Variants in NAALADL2 observed in about 807,000 individuals in gnomAD.
The protein encoded by NAALADL2 is inactive N-acetylated-alpha-linked acidic dipeptidase-like protein 2.
Under a neutral mutation model 87.2 loss-of-function variants are expected in NAALADL2, and 76 were observed. That is an observed-to-expected ratio of 0.87 (90% CI 0.72 to 1.05). The LOEUF (loss-of-function observed/expected upper bound fraction) is 1.05. NAALADL2 is among the 50% of genes least tolerant of loss of function. The pLI, the probability that NAALADL2 is intolerant of heterozygous loss-of-function variation, is 0.00. For missense variants in NAALADL2, 1,089 were observed against 945.8 expected, an observed-to-expected ratio of 1.15 and a Z score of -1.99; for synonymous variants, 354 against 331.0, an observed-to-expected ratio of 1.07 and a Z score of -0.75.
intron 1 of NAALADL2, among the ~76,000 whole-genome samples, chr3:174,530,642 A>G (rs1379651598): frequency 2.0e-5 from 3 of 152,182 alleles, no homozygotes; most frequent in Non-Finnish European, 4.4e-5. Context: ...GGCATGTCTC[A>G]TATGGCAGCA....
At chr3:174,708,483 C>A (rs1349427360) in intron 2 of NAALADL2, among the ~76,000 whole-genome samples, 1 of 152,106 alleles carries the variant, frequency 6.6e-6, no homozygotes, top group Non-Finnish European at 1.5e-5. Flanking sequence ...AAATTTAAAT[C>A]TGTAAAGCTG....
At chr3:175,056,392 C>G (rs553357507) in intron 1 of NAALADL2, among the ~76,000 whole-genome samples, 1 of 152,168 alleles carries the variant, frequency 6.6e-6, no homozygotes, top group African/African-American at 2.4e-5. Flanking sequence ...TCTTACTCAC[C>G]ATGGGAATTG....
At chr3:174,947,137 G>T (rs112338599) in intron 1 of NAALADL2, among the ~76,000 whole-genome samples, 7 of 152,084 alleles carry the variant, frequency 4.6e-5, no homozygotes, top group African/African-American at 1.7e-4. Context: ...TCTCTAGGAG[G>T]GTCAAATGTA....
chr3:174,792,532 ATTC>A (rs1285392619), intron 3 of NAALADL2, among the ~76,000 whole-genome samples: 7 of 152,144 alleles, frequency 4.6e-5, no homozygotes, highest in East Asian at 1.9e-4. Flanking sequence ...TGTGGCATCA[ATTC>A]TTCTTCTATC....
At chr3:175,546,277 G>A (rs1323949927) in intron 9 of NAALADL2, among the ~76,000 whole-genome samples, 1 of 152,050 alleles carries the variant, frequency 6.6e-6, no homozygotes, top group Non-Finnish European at 1.5e-5. Flanking sequence ...TTGAGCATAT[G>A]TATGTCCTTG....
chr3:175,004,716 TATA>T (rs745607379), intron 1 of NAALADL2, among the ~76,000 whole-genome samples: 2 of 152,324 alleles, frequency 1.3e-5, no homozygotes, highest in Non-Finnish European at 2.9e-5. Context: ...TGGTTCAATG[TATA>T]ATAACTTTGT....
At chr3:175,498,195 A>G (rs765312888) in intron 9 of NAALADL2, among the ~76,000 whole-genome samples, 5 of 152,170 alleles carry the variant, frequency 3.3e-5, no homozygotes, top group Non-Finnish European at 7.4e-5. Flanking sequence ...CCTACAAAAT[A>G]TAGAAAATAG....
In NAALADL2 at chr3:175,241,844, C is replaced by T. The variant is rs938852866; in HGVS notation, c.819+7640C>T. 3.9e-3 allele frequency among the ~76,000 whole-genome samples: 476 copies of T among 120,758 alleles called. 3 individuals carry two copies. Among genetic ancestry groups the T allele is most frequent in the African/African-American group, 0.016 (454 of 29,006 alleles). The allele number at this position is 120,758 out of a possible 152,430, so 79.2% of individuals were successfully genotyped here. On this transcript the variant is annotated intron_variant, in intron 3 of 13. Transcript: ENST00000454872. ...TGTGGCATTTTTAGTGAGAAAGTAT[C>T]TGGATGCTGAATTTTTTTTTTTTTT...
chr3:174,879,592 A>C (rs1421424966), intron 1 of NAALADL2, among the ~76,000 whole-genome samples: 1 of 152,124 alleles, frequency 6.6e-6, no homozygotes, highest in Non-Finnish European at 1.5e-5. Flanking sequence ...ATACATAGAA[A>C]AATATATTTT....
At chr3:175,613,345 T>C (rs1480727832) in intron 10 of NAALADL2, among the ~76,000 whole-genome samples, 1 of 152,246 alleles carries the variant, frequency 6.6e-6, no homozygotes, top group Non-Finnish European at 1.5e-5. Context: ...TATTTTCATA[T>C]GTTCTGTCTT....
intron 2 of NAALADL2, among the ~76,000 whole-genome samples, chr3:174,682,420 C>CCAGG (rs1400833513): frequency 6.6e-6 from 1 of 152,126 alleles, no homozygotes; most frequent in East Asian, 1.9e-4. Context: ...TAGGTGATAG[C>CCAGG]CAGGCAGTGG....
At chr3:175,218,079 A>C (rs1331013186) in intron 2 of NAALADL2, 1 of 429,180 alleles carries the variant, frequency 2.3e-6, no homozygotes, top group Non-Finnish European at 4.6e-6. Flanking sequence ...TTTTTAGGAT[A>C]AAATGAAGCA....
intron 9 of NAALADL2, among the ~76,000 whole-genome samples, chr3:175,563,328 C>T (rs16825961): frequency 0.13 from 19,690 of 152,164 alleles, 1,376 homozygotes; most frequent in Middle Eastern, 0.17. Flanking sequence ...TACACACTTA[C>T]TGACTTCCTA....
At chr3:175,442,330 C>T (rs555238358) in intron 5 of NAALADL2, among the ~76,000 whole-genome samples, 120 of 151,994 alleles carry the variant, frequency 7.9e-4, no homozygotes, top group Non-Finnish European at 1.6e-3. Flanking sequence ...ACTAACAGAG[C>T]ATATTTTCTT....
chr3:175,793,634 C>T (rs901598204), intron 13 of NAALADL2, among the ~76,000 whole-genome samples: 1 of 151,932 alleles, frequency 6.6e-6, no homozygotes, highest in Non-Finnish European at 1.5e-5. Context: ...ATTTTCTAAC[C>T]ATCTAATATA....
intron 2 of NAALADL2, among the ~76,000 whole-genome samples, chr3:174,712,136 T>C (rs1730699193): frequency 6.6e-6 from 1 of 152,100 alleles, no homozygotes; most frequent in Admixed American, 6.5e-5. Flanking sequence ...TTCTCACCCT[T>C]GTCCCCAAAC....
In NAALADL2 at chr3:174,885,903, T is replaced by G. The variant is rs1399599245; in HGVS notation, c.43+26453T>G. On this transcript the variant is annotated intron_variant, in intron 1 of 13. Coordinates refer to ENST00000454872, the MANE Select transcript of NAALADL2 (RefSeq NM_207015.3). Reference sequence around the variant, plus strand: ...TTTTTTTTTTTTTTTTTTTTTTTTTTTTTTTTTTTTTTTTTTTTTTTTTTT... The same window carrying G: ...TTTTTTTTTTTTTTTTTTTTTTTTTGTTTTTTTTTTTTTTTTTTTTTTTTT... 1.4e-3 allele frequency among the ~76,000 whole-genome samples: 59 copies of G among 42,186 alleles called. 1 individual carries two copies. The highest frequency in any genetic ancestry group is 8.9e-3 in the Middle Eastern group (1 of 112). 27.7% of individuals were successfully genotyped at this position (42,186 alleles called of 152,430 possible).
At chr3:175,549,634 C>A (rs182916990) in intron 9 of NAALADL2, among the ~76,000 whole-genome samples, 147 of 152,034 alleles carry the variant, frequency 9.7e-4, no homozygotes, top group Middle Eastern at 3.4e-3. Context: ...TTCTGTTTCT[C>A]ATTTTCTTAT....
chr3:174,649,007 C>T (rs1053590907), intron 2 of NAALADL2, among the ~76,000 whole-genome samples: 4 of 152,146 alleles, frequency 2.6e-5, no homozygotes, highest in East Asian at 1.9e-4. Flanking sequence ...TCACTCTTAT[C>T]GCCCAGGAAA....
Sources: allele counts gnomAD v4.1 joint callset (sites outside exome capture counted in the v4.1 genomes callset), GRCh38; gene constraint gnomAD v4.1.1; transcripts MANE v1.5; gene names NCBI Gene and HGNC (gene_info 2026-07-23, HGNC 2026-07-21).